The following TTN variants were observed in gnomAD, a reference collection of about 807,000 sequenced individuals.
The protein encoded by TTN is titin.
TTN carries 1,525 observed loss-of-function variants against 3,223.0 expected under a neutral mutation model. That is an observed-to-expected ratio of 0.47 (90% CI 0.45 to 0.49). TTN has a LOEUF of 0.49. Among genes scored for constraint, TTN ranks in the 20% least tolerant of loss-of-function variants. TTN has a pLI of 0.00. For synonymous variants in TTN, 14,094 were observed against 15,161.0 expected (o/e 0.93, Z 5.17); for missense variants, 40,786 against 43,424.0 (o/e 0.94, Z 5.40).
At position 178,552,845 on chromosome 2, in the gene TTN, A is replaced by G. The variant is rs774538632; in HGVS notation, c.90055T>C (p.Cys30019Arg). The G allele has an allele frequency of 6.2e-7, 1 of 1,613,826 alleles. No individual in the cohort carries two copies. The highest frequency in any genetic ancestry group is 1.1e-5 in the South Asian group (1 of 91,078). Residue 30019 changes from cysteine (C) to arginine (R), a missense_variant, in exon 335 of 363, where the codon TGT (cysteine) becomes CGT (arginine). Coordinates refer to ENST00000589042, the MANE Select transcript of TTN (RefSeq NM_001267550.2). The part of the protein sequence containing the change: ...AENEIGIGEP[C>R]ETTEPVKAAE... ...GCCTTCACTGGCTCTGTAGTTTCAC[A>G]GGGTTCCCCAATTCCAATTTCATTT...
At position 178,601,069 on chromosome 2, in the gene TTN, G is replaced by T. The variant is rs765352575; in HGVS notation, c.55835C>A (p.Thr18612Asn). The change falls in exon 288 of 363, where the codon ACC becomes AAC. Residue 18612 changes from threonine to asparagine, a missense_variant. Physicochemically the swap from Thr to Asn is moderately conservative, Grantham distance 65. Transcript: ENST00000589042. Reference protein sequence around the residue: ...PPKNDGGSPVTHYIVECLAWD... With the variant: ...PPKNDGGSPVNHYIVECLAWD... ...TGCAAGGCACTCAACAATATAGTGG[G>T]TAACAGGGGAGCCCCCATCATTCTT... is the stretch of plus-strand genomic sequence containing the variant. 2 of 1,611,616 alleles carry T rather than the reference G, an allele frequency of 1.2e-6. No homozygotes were observed. The highest frequency in any genetic ancestry group is 1.1e-5 in the South Asian group (1 of 90,776).
chr2:178,739,471 C>T lies in TTN; in HGVS notation c.13762G>A (p.Val4588Ile). 6.2e-7 allele frequency: 1 copy of T among 1,613,792 alleles called. No individual in the cohort carries two copies. Among genetic ancestry groups the T allele is most frequent in the South Asian group, 1.1e-5 (1 of 91,080 alleles). ...ESSSESGTEEVATVKIQEAEG... is the reference protein window; with the variant it reads ...ESSSESGTEEIATVKIQEAEG... ...GCTTCCTGTATCTTTACTGTAGCAACCTCCTCAGTACCACTTTCAGAGGAA... is the reference window on the plus strand; with the variant it reads ...GCTTCCTGTATCTTTACTGTAGCAATCTCCTCAGTACCACTTTCAGAGGAA... The change falls in exon 48 of 363, where the codon GTT becomes ATT. Residue 4588 changes from valine to isoleucine, a missense_variant. Physicochemically the swap from Val to Ile is conservative, Grantham distance 29. Coordinates refer to ENST00000589042, the MANE Select transcript of TTN (RefSeq NM_001267550.2).
Position 178,779,123 on chromosome 2 carries a change from A to G in TTN, c.3964-5T>C. On this transcript the variant is annotated splice_polypyrimidine_tract_variant and splice_region_variant and intron_variant, in intron 23 of 362. Transcript: ENST00000589042. Reference sequence around the variant, plus strand: ...GCCATCTTTGTACCAAGCAATCTGCAAAGAATACCATGCATGTATGAATAA... The same window carrying G: ...GCCATCTTTGTACCAAGCAATCTGCGAAGAATACCATGCATGTATGAATAA... 6.2e-7 allele frequency: 1 copy of G among 1,613,726 alleles called. No homozygotes were observed. Among genetic ancestry groups the G allele is most frequent in the Non-Finnish European group, 8.5e-7 (1 of 1,179,918 alleles).
Position 178,764,763 on chromosome 2 carries a change from T to C in TTN, c.9752A>G (p.Gln3251Arg). The C allele has an allele frequency of 6.2e-7, 1 of 1,613,926 alleles. No individual in the cohort carries two copies. Among genetic ancestry groups the C allele is most frequent in the Non-Finnish European group, 8.5e-7 (1 of 1,179,968 alleles). ...ACAGAAGCGGGCAGGCTTGCCAGAC[T>C]GCACAGTGACAGGCTGGAGCTCCTG... The part of the protein sequence containing the change: ...VLQELQPVTV[Q>R]SGKPARFCAV... Residue 3251 changes from glutamine (Q) to arginine (R), a missense_variant, in exon 42 of 363, where the codon CAG becomes CGG. Coordinates refer to ENST00000589042, the MANE Select transcript of TTN (RefSeq NM_001267550.2).
rs570141349 is a variant in TTN at position 178,629,455 on chromosome 2, G to C, written c.44282-12C>G. ...ACCAATTACTCGTGCTTTTCGAGAG[G>C]GAAGAAACAGCTTTGCGTTACTCAT... On this transcript the variant is annotated splice_polypyrimidine_tract_variant and intron_variant, in intron 239 of 362. Coordinates refer to ENST00000589042, the MANE Select transcript of TTN (RefSeq NM_001267550.2). 1.2e-6 allele frequency: 2 copies of C among 1,612,316 alleles called. No individual in the cohort carries two copies. The highest frequency in any genetic ancestry group is 4.5e-5 in the East Asian group (2 of 44,704).
rs72648908 is a variant in TTN at position 178,747,646 on chromosome 2, A to C, written c.11311+5478T>G. 7,689 of 1,613,284 alleles carry C rather than the reference A, an allele frequency of 4.8e-3. 71 individuals are homozygous for C. Among genetic ancestry groups the C allele is most frequent in the Middle Eastern group, 0.026 (157 of 6,060 alleles). On this transcript the variant is annotated intron_variant, in intron 47 of 362. Coordinates refer to ENST00000589042, the MANE Select transcript of TTN (RefSeq NM_001267550.2). ...CCTGGTCTCTGGTGTCTTTAGTTTC[A>C]GGAACCTCACGCTTTCCAGCAGCAA...
chr2:178,745,000 TA>T, intron 47 of TTN: 7 of 985,750 alleles, frequency 7.1e-6, no homozygotes, highest in Non-Finnish European at 8.4e-6. Context: ...GAGATGAAGT[TA>T]ATATATTAAG....
rs555721876 is a variant in TTN, at chr2:178,621,972, C to A, written c.44950G>T (p.Gly14984Cys). The A allele has an allele frequency of 1.2e-6, 2 of 1,610,412 alleles. No homozygotes were observed. The highest frequency in any genetic ancestry group is 1.7e-5 in the Admixed American group (1 of 59,604). ...WFKDGAEIKK[G>C]KKYDIISKGA... is the part of the protein sequence containing the mutation. ...TTGGATATGATGTCATATTTTTTGC[C>A]CTTTTTAATTTCAGCACCATCTTTA... is the stretch of plus-strand genomic sequence containing the variant. Residue 14984 changes from glycine (G) to cysteine (C), a missense_variant, in exon 244 of 363, where the codon GGC becomes TGC. Gly to Cys is a radical substitution (Grantham distance 159, BLOSUM62 -3). Transcript: ENST00000589042.
intron 67 of TTN, 121 bp from the exon 68 acceptor site, chr2:178,727,984 A>T: frequency 7.1e-7 from 1 of 1,409,794 alleles, no homozygotes; most frequent in Non-Finnish European, 9.4e-7. Context: ...TTTCTTGAAC[A>T]CAATGAATAT....
In TTN at chr2:178,592,039, G is replaced by A; in HGVS notation, c.59865C>T (p.Asn19955=). Residue 19955 remains asparagine (N), a synonymous_variant, in exon 302 of 363, where the codon AAC becomes AAT. Coordinates refer to ENST00000589042, the MANE Select transcript of TTN (RefSeq NM_001267550.2). ...CAACAAAAGGACCACGTCCATACTG[G>A]TTCTCCGCAGCTACTCGGAAGAGGT... ...NQYLFRVAAE[N]QYGRGPFVET... is the part of the protein sequence containing the mutation. The A allele has an allele frequency of 6.2e-7, 1 of 1,613,086 alleles. No individual in the cohort carries two copies. Among genetic ancestry groups the A allele is most frequent in the Non-Finnish European group, 8.5e-7 (1 of 1,179,522 alleles).
rs2050075362 is a variant in TTN, at chr2:178,590,924, A to G, written c.60801T>C (p.His20267=). ...PLDSTPTVAK[H]KFSPPSPPGK... is the part of the protein sequence containing the mutation. Reference sequence around the variant, plus strand: ...CAGGAGGAGACGGAGGACTAAATTTATGCTTAGCAACAGTAGGTGTGGAGT... The same window carrying G: ...CAGGAGGAGACGGAGGACTAAATTTGTGCTTAGCAACAGTAGGTGTGGAGT... The change falls in exon 304 of 363, where the codon CAT becomes CAC. Residue 20267 remains histidine, a synonymous_variant. Coordinates refer to ENST00000589042, the MANE Select transcript of TTN (RefSeq NM_001267550.2). 2 of 1,613,116 alleles carry G rather than the reference A, an allele frequency of 1.2e-6. No homozygotes were observed. The highest frequency in any genetic ancestry group is 1.1e-5 in the South Asian group (1 of 91,032).
chr2:178,794,783 T>C, intron 7 of TTN, 139 bp downstream of exon 7: 1 of 1,191,306 alleles, frequency 8.4e-7, no homozygotes, highest in Non-Finnish European at 1.2e-6. Flanking sequence ...GACTACTGAA[T>C]TTGGTCTTCA....
intron 294 of TTN, among the ~76,000 whole-genome samples, chr2:178,596,377 A>C (rs1450224010): frequency 6.6e-6 from 1 of 152,064 alleles, no homozygotes; most frequent in Non-Finnish European, 1.5e-5. Context: ...AATGCTTTTT[A>C]AAAGCAATTT....
At chr2:178,644,292 AG>A (rs1276899660) in intron 218 of TTN, 3 of 324,310 alleles carry the variant, frequency 9.3e-6, no homozygotes, top group Non-Finnish European at 1.7e-5. Context: ...GTTATTTTTA[AG>A]TTTAGGAAAA....
rs772425172 is a variant in TTN at position 178,581,814 on chromosome 2, A to C, written c.66464-10T>G. On this transcript the variant is annotated splice_polypyrimidine_tract_variant and intron_variant, in intron 315 of 362. Coordinates refer to ENST00000589042, the MANE Select transcript of TTN (RefSeq NM_001267550.2). ...GGTGGGCCAGGAGGATCTGAGAATA[A>C]ATAATGATAGGAAATTTTCATGAAA... 1.3e-6 allele frequency: 2 copies of C among 1,593,948 alleles called. No homozygotes were observed. The highest frequency in any genetic ancestry group is 2.3e-5 in the East Asian group (1 of 44,140).
rs148549746 is a variant in TTN at position 178,614,937 on chromosome 2, A to G, written c.48670T>C (p.Trp16224Arg). 107 of 1,596,462 alleles carry G rather than the reference A, an allele frequency of 6.7e-5. No homozygotes were observed. Among genetic ancestry groups the G allele is most frequent in the Non-Finnish European group, 8.2e-5 (96 of 1,170,616 alleles). ...AAGGCCTTCACGCGGTAGGCATACCATTTGCCTTCCTCAAGACCTGTCACT... is the reference window on the plus strand; with the variant it reads ...AAGGCCTTCACGCGGTAGGCATACCGTTTGCCTTCCTCAAGACCTGTCACT... ...MEVTGLEEGKWYAYRVKALNR... is the reference protein window; with the variant it reads ...MEVTGLEEGKRYAYRVKALNR... The change falls in exon 260 of 363, where the codon TGG (tryptophan) becomes CGG (arginine). Residue 16224 changes from tryptophan (W) to arginine (R), a missense_variant. Coordinates refer to ENST00000589042, the MANE Select transcript of TTN (RefSeq NM_001267550.2).
rs140288861 is a variant in TTN at position 178,687,354 on chromosome 2, GA to G, written c.32311+756del. The stretch of plus-strand genomic sequence containing the variant: ...AAACCTGGTGCTGCCTTAATTCATT[GA>G]AAAAATATCCCAATGGAATAGTTTG... On this transcript the variant is annotated intron_variant, in intron 127 of 362. Transcript: ENST00000589042. Among the ~76,000 whole-genome samples, 1,451 of 151,598 alleles carry G rather than the reference GA, an allele frequency of 9.6e-3. 24 individuals carry two copies. The highest frequency in any genetic ancestry group is 0.027 in the African/African-American group (1,119 of 41,000).
rs1427274825 is a variant in TTN at position 178,736,069 on chromosome 2, A to G, written c.14377T>C (p.Tyr4793His). Residue 4793 changes from tyrosine (Y) to histidine (H), a missense_variant, in exon 50 of 363, where the codon TAT becomes CAT. Coordinates refer to ENST00000589042, the MANE Select transcript of TTN (RefSeq NM_001267550.2). ...GGTCTGGAGAGAAAGGTTGGTGGAT[A>G]TGCCTCTGCAAAAGAAATTTTTCCA... Reference protein sequence around the residue: ...CTATLTVTEAYPPTFLSRPKS... With the variant: ...CTATLTVTEAHPPTFLSRPKS... The G allele has an allele frequency of 6.4e-7, 1 of 1,554,566 alleles. No homozygotes were observed. Among genetic ancestry groups the G allele is most frequent in the Non-Finnish European group, 8.7e-7 (1 of 1,154,030 alleles).
chr2:178,731,343 G>A lies in TTN; in HGVS notation c.17423C>T (p.Ala5808Val), dbSNP rs1409068952. Residue 5808 changes from alanine (A) to valine (V), a missense_variant, in exon 59 of 363, where the codon GCA (alanine) becomes GTA (valine). Transcript: ENST00000589042. ...TAATGCAGAACATCTTTGTATTCCTGCATCATTTTTGGCCTGACAGACATA... is the reference window on the plus strand; with the variant it reads ...TAATGCAGAACATCTTTGTATTCCTACATCATTTTTGGCCTGACAGACATA... ...GKYVCQAKND[A>V]GIQRCSALLS... 2 of 1,613,722 alleles carry A rather than the reference G, an allele frequency of 1.2e-6. No homozygotes were observed. The highest frequency in any genetic ancestry group is 1.7e-6 in the Non-Finnish European group (2 of 1,179,750).
Sources: allele counts gnomAD v4.1 joint callset (sites outside exome capture counted in the v4.1 genomes callset), GRCh38; gene constraint gnomAD v4.1.1; transcripts MANE v1.5; gene names NCBI Gene and HGNC (gene_info 2026-07-23, HGNC 2026-07-21).